The following EPHA6 variants were observed in gnomAD, a reference collection of about 807,000 sequenced individuals.
EPHA6 encodes the protein EPH receptor A6, also known as ephrin type-A receptor 6.
In EPHA6, 50 loss-of-function variants were observed where a neutral mutation model predicts 112.0. The observed-to-expected ratio is 0.45, with a 90% CI of 0.36 to 0.56. The LOEUF (loss-of-function observed/expected upper bound fraction) is 0.56, where lower values mean the gene tolerates loss of function less well. Among genes scored for constraint, EPHA6 ranks in the 20% least tolerant of loss-of-function variants. The probability of loss-of-function intolerance (pLI) is 0.00; values close to 1 mark genes in which losing one functional copy is unlikely to be tolerated. For synonymous variants in EPHA6, 529 were observed against 490.7 expected, an observed-to-expected ratio of 1.08 and a Z score of -1.03; for missense variants, 1,280 against 1,417.4, an observed-to-expected ratio of 0.90 and a Z score of 1.56.
chr3:97,565,842 C>A (rs1577798606), intron 11 of EPHA6, among the ~76,000 whole-genome samples: 1 of 151,722 alleles, frequency 6.6e-6, no homozygotes, highest in Non-Finnish European at 1.5e-5. Context: ...CATGGTGAAA[C>A]CCCGTCTCTA....
chr3:97,255,853 A>G (rs972324412), intron 5 of EPHA6, among the ~76,000 whole-genome samples: 1 of 152,112 alleles, frequency 6.6e-6, no homozygotes, highest in African/African-American at 2.4e-5. Context: ...CATGTAATTT[A>G]TCACTATTCT....
At chr3:97,609,936 T>C (rs189508124) in intron 12 of EPHA6, among the ~76,000 whole-genome samples, 8 of 151,538 alleles carry the variant, frequency 5.3e-5, no homozygotes. Flanking sequence ...CTGAAATGAG[T>C]TTATCTTTTA....
intron 11 of EPHA6, among the ~76,000 whole-genome samples, chr3:97,558,385 T>A (rs1259595937): frequency 6.6e-6 from 1 of 152,022 alleles, no homozygotes; most frequent in Admixed American, 6.6e-5. Context: ...AGTTTCTACC[T>A]AAAGAGTCAA....
chr3:97,054,526 A>T (rs931643617), intron 3 of EPHA6, among the ~76,000 whole-genome samples: 2 of 151,950 alleles, frequency 1.3e-5, no homozygotes, highest in Non-Finnish European at 2.9e-5. Flanking sequence ...ATGGCATAAA[A>T]TATGACAAAA....
chr3:97,656,915 A>C (rs1335502172), intron 14 of EPHA6, among the ~76,000 whole-genome samples: 2 of 151,950 alleles, frequency 1.3e-5, no homozygotes, highest in African/African-American at 2.4e-5. Flanking sequence ...ACAGGGTATT[A>C]TCATATGAAA....
At chr3:96,913,707 C>A (rs1486013762) in intron 2 of EPHA6, among the ~76,000 whole-genome samples, 1 of 152,016 alleles carries the variant, frequency 6.6e-6, no homozygotes, top group Non-Finnish European at 1.5e-5. Flanking sequence ...CTTTTATGTA[C>A]TAGTACTCAA....
At chr3:96,879,307 TAAAC>T (rs1393153979) in intron 2 of EPHA6, among the ~76,000 whole-genome samples, 3 of 151,980 alleles carry the variant, frequency 2.0e-5, no homozygotes, top group Non-Finnish European at 2.9e-5. Context: ...CTATCTACCA[TAAAC>T]AAACAAAAAA....
Position 97,177,787 on chromosome 3 carries a change from AC to A in EPHA6, c.1115-48476del, listed in dbSNP as rs1339460595. ...AGCTACTGTTGCTCCTTTTTGGTTTACATTGGCATGGAATATCTCTTACCAT... is the reference window on the plus strand; with the variant it reads ...AGCTACTGTTGCTCCTTTTTGGTTTAATTGGCATGGAATATCTCTTACCAT... On this transcript the variant is annotated intron_variant, in intron 3 of 17. Coordinates refer to ENST00000389672, the MANE Select transcript of EPHA6 (RefSeq NM_001080448.3). 2.0e-5 allele frequency among the ~76,000 whole-genome samples: 3 copies of A among 151,926 alleles called. No individual in the cohort carries two copies. The East Asian group carries it at 5.8e-4, about 29-fold the overall frequency.
chr3:97,689,615 T>A (rs1293975805), intron 14 of EPHA6, among the ~76,000 whole-genome samples: 3 of 152,176 alleles, frequency 2.0e-5, no homozygotes, highest in African/African-American at 7.2e-5. Context: ...TCCTCATTGC[T>A]GCATTTTGTT....
intron 3 of EPHA6, among the ~76,000 whole-genome samples, chr3:97,135,704 A>T (rs772097660): frequency 4.4e-4 from 67 of 151,484 alleles, no homozygotes; most frequent in Non-Finnish European, 9.3e-4. Flanking sequence ...GGTTCCTGCT[A>T]CTGCTGGTTC....
chr3:97,237,453 T>C (rs1286600806), intron 4 of EPHA6, among the ~76,000 whole-genome samples: 1 of 151,558 alleles, frequency 6.6e-6, no homozygotes, highest in Admixed American at 6.6e-5. Context: ...TCTGGGAGAG[T>C]TTCCTCTATT....
At chr3:97,396,726 A>G (rs2086715310) in intron 5 of EPHA6, among the ~76,000 whole-genome samples, 1 of 151,772 alleles carries the variant, frequency 6.6e-6, no homozygotes, top group South Asian at 2.1e-4. Context: ...TTATCTTTAA[A>G]ATAAAGACAG....
In EPHA6 at chr3:96,941,760, G is replaced by A. The variant is rs189137612; in HGVS notation, c.451-45570G>A. On this transcript the variant is annotated intron_variant, in intron 2 of 17. Coordinates refer to ENST00000389672, the MANE Select transcript of EPHA6 (RefSeq NM_001080448.3). ...TGTTTTGGTCTTTGATGATGGTGAC[G>A]TACAGATGGGTTTTTGGTGTGGATG... Among the ~76,000 whole-genome samples, 347 of 152,204 alleles carry A rather than the reference G, an allele frequency of 2.3e-3. 10 individuals are homozygous for A. Among genetic ancestry groups the A allele is most frequent in the Admixed American group, 0.021 (318 of 15,278 alleles).
chr3:97,111,652 C>A (rs929987341), intron 3 of EPHA6, among the ~76,000 whole-genome samples: 2 of 152,070 alleles, frequency 1.3e-5, no homozygotes, highest in Admixed American at 1.3e-4. Flanking sequence ...TATTTTCTCA[C>A]AATTTACAAC....
intron 13 of EPHA6, among the ~76,000 whole-genome samples, chr3:97,625,558 T>C (rs2093849082): frequency 6.6e-6 from 1 of 151,724 alleles, no homozygotes; most frequent in African/African-American, 2.4e-5. Context: ...TATTGTGTCA[T>C]TCAAGTCCTT....
intron 6 of EPHA6, among the ~76,000 whole-genome samples, chr3:97,431,230 G>A (rs973071740): frequency 6.6e-6 from 1 of 151,932 alleles, no homozygotes; most frequent in African/African-American, 2.4e-5. Context: ...ATTTTAATTA[G>A]AAACTGATGG....
intron 2 of EPHA6, among the ~76,000 whole-genome samples, chr3:96,910,064 T>C: frequency 6.6e-6 from 1 of 152,022 alleles, no homozygotes; most frequent in South Asian, 2.1e-4. Context: ...ATAAAGTCTT[T>C]CTTATATTTA....
intron 15 of EPHA6, among the ~76,000 whole-genome samples, chr3:97,732,047 C>CA (rs1427152638): frequency 6.6e-6 from 1 of 151,994 alleles, no homozygotes; most frequent in Admixed American, 6.6e-5. Context: ...ACTGCAGCCA[C>CA]AGTGAGCTTT....
At chr3:97,324,427 T>TTCTC (rs753634540) in intron 5 of EPHA6, among the ~76,000 whole-genome samples, 11 of 146,336 alleles carry the variant, frequency 7.5e-5, no homozygotes, top group African/African-American at 2.8e-4. Flanking sequence ...CTTTCTTTCT[T>TTCTC]TCTTTCTTTC....
Sources: allele counts gnomAD v4.1 joint callset (sites outside exome capture counted in the v4.1 genomes callset), GRCh38; gene constraint gnomAD v4.1.1; transcripts MANE v1.5; gene names NCBI Gene and HGNC (gene_info 2026-07-23, HGNC 2026-07-21).